The following DHRSX variants were observed in gnomAD, a reference collection of about 807,000 sequenced individuals.
DHRSX encodes dehydrogenase/reductase X-linked, also known as polyprenol dehydrogenase.
A neutral mutation model predicts 34.0 loss-of-function variants in DHRSX; 31 were observed. The observed-to-expected ratio is 0.91, with a 90% confidence interval of 0.69 to 1.23. The LOEUF is 1.23. DHRSX is among the 50% of genes most tolerant of loss of function. The probability of loss-of-function intolerance (pLI) is 0.00; values close to 1 mark genes in which losing one functional copy is unlikely to be tolerated. For synonymous variants in DHRSX, 201 were observed against 183.8 expected (o/e 1.09, Z -0.76); for missense variants, 414 against 428.1 (o/e 0.97, Z 0.29).
At chrX:2,443,483 G>A (rs2044087813) in intron 1 of DHRSX, among the ~76,000 whole-genome samples, 1 of 152,034 alleles carries the variant, frequency 6.6e-6, no homozygotes, top group East Asian at 1.9e-4. Flanking sequence ...TCTCCAAGGG[G>A]AGTTCTGCCT....
chrX:2,425,801 C>T (rs989304446), intron 1 of DHRSX, among the ~76,000 whole-genome samples: 1 of 152,144 alleles, frequency 6.6e-6, no homozygotes, highest in Non-Finnish European at 1.5e-5. Flanking sequence ...GGCGTGTTGA[C>T]ACCACTCAGG....
intron 4 of DHRSX, among the ~76,000 whole-genome samples, chrX:2,283,056 G>A (rs1049982958): frequency 6.6e-6 from 1 of 151,582 alleles, no homozygotes; most frequent in Non-Finnish European, 1.5e-5. Flanking sequence ...GAGACAGAGA[G>A]TTACAGAAAG....
chrX:2,319,013 T>C (rs1395607421), intron 3 of DHRSX, among the ~76,000 whole-genome samples: 1 of 152,090 alleles, frequency 6.6e-6, no homozygotes, highest in Non-Finnish European at 1.5e-5. Flanking sequence ...ACTGCAGCCC[T>C]CTAGCAAAAT....
intron 3 of DHRSX, among the ~76,000 whole-genome samples, chrX:2,326,726 C>T (rs1448994988): frequency 6.6e-6 from 1 of 152,070 alleles, no homozygotes; most frequent in Non-Finnish European, 1.5e-5. Flanking sequence ...CAAAGCAATC[C>T]GTGTCCTCTC....
At chrX:2,284,748 T>C (rs1407095081) in intron 4 of DHRSX, among the ~76,000 whole-genome samples, 2 of 152,204 alleles carry the variant, frequency 1.3e-5, no homozygotes, top group Non-Finnish European at 2.9e-5. Context: ...AGGTCTATTA[T>C]TGATTTATTC....
chrX:2,245,788 T>G (rs1449217853), intron 5 of DHRSX, among the ~76,000 whole-genome samples: 3 of 147,400 alleles, frequency 2.0e-5, no homozygotes, highest in African/African-American at 7.5e-5. Context: ...AAACCCTGTC[T>G]CTACTAAAAA....
chrX:2,395,666 G>T (rs2043400470), intron 3 of DHRSX, among the ~76,000 whole-genome samples: 1 of 152,068 alleles, frequency 6.6e-6, no homozygotes, highest in African/African-American at 2.4e-5. Flanking sequence ...CTTGGAATTT[G>T]GAGGCAGAGT....
intron 1 of DHRSX, among the ~76,000 whole-genome samples, chrX:2,439,353 C>T (rs1382500118): frequency 5.9e-5 from 9 of 151,812 alleles, no homozygotes; most frequent in Admixed American, 3.9e-4. Context: ...CATATATATA[C>T]GCATTCATCT....
intron 1 of DHRSX, among the ~76,000 whole-genome samples, chrX:2,479,305 C>G (rs2044732442): frequency 6.6e-6 from 1 of 150,954 alleles, no homozygotes; most frequent in Admixed American, 6.6e-5. Context: ...CAAGGGACTC[C>G]CGCACTGTGC....
intron 3 of DHRSX, among the ~76,000 whole-genome samples, chrX:2,399,411 A>AAAC (rs1170650241): frequency 6.6e-6 from 1 of 151,950 alleles, no homozygotes; most frequent in African/African-American, 2.4e-5. Flanking sequence ...ATGTTTAAAA[A>AAAC]AAAAAAAAAC....
At chrX:2,473,378 T>C (rs763559322) in intron 1 of DHRSX, among the ~76,000 whole-genome samples, 30,918 of 151,378 alleles carry the variant, frequency 0.2, 4,236 homozygotes, top group African/African-American at 0.39. Context: ...CATCCTAACA[T>C]TTTGGGAGGC....
At chrX:2,395,053 G>A (rs1212464485) in intron 3 of DHRSX, among the ~76,000 whole-genome samples, 3 of 152,144 alleles carry the variant, frequency 2.0e-5, no homozygotes, top group Admixed American at 1.3e-4. Flanking sequence ...AGTGGTCAGC[G>A]TTATAGGTGA....
At chrX:2,225,225 A>G (rs1350809866) in intron 6 of DHRSX, among the ~76,000 whole-genome samples, 2 of 151,360 alleles carry the variant, frequency 1.3e-5, no homozygotes, top group Non-Finnish European at 2.9e-5. Context: ...ATGTACACAC[A>G]TTCACATGCA....
intron 5 of DHRSX, among the ~76,000 whole-genome samples, chrX:2,247,625 G>A (rs766736839): frequency 2.5e-4 from 35 of 138,726 alleles, no homozygotes; most frequent in Admixed American, 1.1e-3. Context: ...CTGCACTCCA[G>A]CCTTGGTGAT....
intron 3 of DHRSX, among the ~76,000 whole-genome samples, chrX:2,348,848 C>T (rs2042752281): frequency 6.6e-6 from 1 of 152,030 alleles, no homozygotes; most frequent in South Asian, 2.1e-4. Context: ...CACCCACGAC[C>T]ACACTCAGCT....
intron 3 of DHRSX, among the ~76,000 whole-genome samples, chrX:2,349,506 T>TCTCCAC (rs2042760514): frequency 2.0e-5 from 3 of 151,060 alleles, no homozygotes; most frequent in Non-Finnish European, 4.4e-5. Context: ...GCCAACATGG[T>TCTCCAC]GAAACCCCGT....
chrX:2,493,097 G>C (rs754068570), intron 1 of DHRSX, among the ~76,000 whole-genome samples: 6 of 152,224 alleles, frequency 3.9e-5, no homozygotes, highest in Non-Finnish European at 8.8e-5. Flanking sequence ...AAGGAGGGGG[G>C]TCCTGTGGCC....
At chrX:2,408,652 G>T in intron 3 of DHRSX, 93 bp downstream of exon 3, 1 of 1,107,494 alleles carries the variant, frequency 9.0e-7, no homozygotes, top group South Asian at 1.4e-5. Flanking sequence ...ATGCCACCTG[G>T]CACGTGACTG....
chrX:2,295,943 T>C (rs1396107813), intron 3 of DHRSX, among the ~76,000 whole-genome samples: 2 of 152,182 alleles, frequency 1.3e-5, no homozygotes, highest in East Asian at 3.9e-4. Context: ...CTCTTGACTT[T>C]CCTTTTCTGG....
Sources: allele counts gnomAD v4.1 joint callset (sites outside exome capture counted in the v4.1 genomes callset), GRCh38; gene constraint gnomAD v4.1.1; transcripts MANE v1.5; gene names NCBI Gene and HGNC (gene_info 2026-07-23, HGNC 2026-07-21).